PCDHGB1: variants seen among roughly 807,000 people sequenced by gnomAD.
The protein encoded by PCDHGB1 is protocadherin gamma-B1.
PCDHGB1 carries 34 observed loss-of-function variants against 56.6 expected under a neutral mutation model. The ratio of observed to expected loss-of-function variants is 0.60; its 90% CI spans 0.46 to 0.80. PCDHGB1 has a LOEUF of 0.80. Ranked by LOEUF, PCDHGB1 falls within the 30% of genes least tolerant of loss-of-function variation. The pLI is 0.00. For synonymous variants in PCDHGB1, 561 were observed against 505.9 expected, an observed-to-expected ratio of 1.11 and a Z score of -1.46; for missense variants, 1,278 against 1,204.6, an observed-to-expected ratio of 1.06 and a Z score of -0.90.
In PCDHGB1 at chr5:141,351,835, G is replaced by T. The variant is rs769087131; in HGVS notation, c.1575G>T (p.Glu525Asp). The T allele has an allele frequency of 6.2e-7, 1 of 1,613,110 alleles. No homozygotes were observed. The change falls in exon 1 of 4, where the codon GAG (glutamate) becomes GAT (aspartate). Residue 525 changes from glutamate (E) to aspartate (D), a missense_variant. Physicochemically the swap from Glu to Asp is conservative, Grantham distance 45. Transcript: ENST00000523390. Reference protein sequence around the residue: ...AFDHEQLRAFELTLQARDQGS... With the variant: ...AFDHEQLRAFDLTLQARDQGS... ...ACCACGAGCAGCTGCGCGCCTTCGA[G>T]CTCACACTGCAGGCCAGGGACCAGG...
intron 1 of PCDHGB1, chr5:141,364,964 C>T: frequency 6.2e-7 from 1 of 1,613,938 alleles, no homozygotes; most frequent in Non-Finnish European, 8.5e-7. Context: ...CGACCTCCTC[C>T]TCACAGCTTT....
chr5:141,420,075 G>A (rs893749179), intron 1 of PCDHGB1: 17 of 1,613,944 alleles, frequency 1.1e-5, no homozygotes, highest in Admixed American at 6.7e-5. Context: ...GGACCTGTGG[G>A]TCCCCCCAAC....
chr5:141,356,037 T>C, intron 1 of PCDHGB1: 1 of 1,614,004 alleles, frequency 6.2e-7, no homozygotes, highest in South Asian at 1.1e-5. Context: ...ACGTGACGTA[T>C]TCTTTCCGGA....
intron 1 of PCDHGB1, chr5:141,400,006 G>T (rs758879836): frequency 1.9e-5 from 30 of 1,612,536 alleles, no homozygotes; most frequent in Non-Finnish European, 2.5e-5. Flanking sequence ...CACAGCGCGT[G>T]CCTTGGGCGA....
chr5:141,436,743 C>A (rs991678215), intron 1 of PCDHGB1, among the ~76,000 whole-genome samples: 3 of 152,158 alleles, frequency 2.0e-5, no homozygotes, highest in Non-Finnish European at 4.4e-5. Flanking sequence ...TTTTTGTGTG[C>A]TTCTCCATAT....
chr5:141,403,729 C>G (rs1409756180), intron 1 of PCDHGB1: 1 of 1,613,896 alleles, frequency 6.2e-7, no homozygotes, highest in Non-Finnish European at 8.5e-7. Context: ...CCCCAGGCAC[C>G]TGGCTGCTTA....
At chr5:141,473,369 G>T (rs888984972) in intron 1 of PCDHGB1, among the ~76,000 whole-genome samples, 1 of 152,200 alleles carries the variant, frequency 6.6e-6, no homozygotes, top group Non-Finnish European at 1.5e-5. Flanking sequence ...CACCAAAATA[G>T]CATGGTCCCT....
chr5:141,394,536 G>A lies in PCDHGB1; in HGVS notation c.2409+41867G>A. The A allele has an allele frequency of 1.2e-6, 2 of 1,614,188 alleles. No individual in the cohort carries two copies. Among genetic ancestry groups the A allele is most frequent in the Middle Eastern group, 1.7e-4 (1 of 6,058 alleles). Reference sequence around the variant, plus strand: ...CCTCCCCACAGACGGTTCCACTGGCGTGGAGCTGGCGCCCCGCTCCGCAGA... The same window carrying A: ...CCTCCCCACAGACGGTTCCACTGGCATGGAGCTGGCGCCCCGCTCCGCAGA... On this transcript the variant is annotated intron_variant, in intron 1 of 3. Transcript: ENST00000523390.
intron 1 of PCDHGB1, chr5:141,366,110 G>A (rs780243212): frequency 1.9e-6 from 3 of 1,614,230 alleles, no homozygotes; most frequent in South Asian, 1.1e-5. Flanking sequence ...GGTGGTAGCG[G>A]TGGACAAAGA....
At chr5:141,403,804 T>G (rs2094456767) in intron 1 of PCDHGB1, 1 of 1,613,764 alleles carries the variant, frequency 6.2e-7, no homozygotes, top group Non-Finnish European at 8.5e-7. Context: ...TCTGGAAAAT[T>G]AATGAAAAAC....
At chr5:141,413,025 A>G in intron 1 of PCDHGB1, 1 of 740,544 alleles carries the variant, frequency 1.4e-6, no homozygotes, top group Non-Finnish European at 2.1e-6. Context: ...CAAGCCCCAC[A>G]AACCGGCTGC....
intron 1 of PCDHGB1, chr5:141,361,811 C>T: frequency 1.2e-6 from 2 of 1,613,098 alleles, no homozygotes; most frequent in Non-Finnish European, 1.7e-6. Context: ...AATGACAATG[C>T]GCCACGGGTG....
At chr5:141,373,548 A>G (rs546721232) in intron 1 of PCDHGB1, among the ~76,000 whole-genome samples, 5 of 152,332 alleles carry the variant, frequency 3.3e-5, no homozygotes, top group African/African-American at 9.6e-5. Context: ...GGTTGTTGGT[A>G]CCCTTACTGA....
intron 1 of PCDHGB1, chr5:141,370,194 T>C: frequency 3.8e-6 from 2 of 525,176 alleles, no homozygotes; most frequent in East Asian, 3.0e-5. Flanking sequence ...TGGCTAGTGC[T>C]GTGCAAAATA....
rs752316565 is a variant in PCDHGB1 at position 141,487,235 on chromosome 5, C to T, written c.2410-7572C>T. On this transcript the variant is annotated intron_variant, in intron 1 of 3. Coordinates refer to ENST00000523390, the MANE Select transcript of PCDHGB1 (RefSeq NM_018922.3). This position sits in a 1 kb window ranked among gnomAD's most constrained non-coding sequence, Gnocchi z 5.0. The stretch of plus-strand genomic sequence containing the variant: ...TTCAGCTCCAAGGGAAGGAGAATCT[C>T]GTCTAACCCTCTACTTGGCTGTGTC... The T allele has an allele frequency of 2.5e-6, 4 of 1,614,126 alleles. No individual in the cohort carries two copies. Among genetic ancestry groups the T allele is most frequent in the Non-Finnish European group, 3.4e-6 (4 of 1,179,994 alleles).
chr5:141,365,644 C>A (rs762390093), intron 1 of PCDHGB1: 3 of 1,613,554 alleles, frequency 1.9e-6, no homozygotes, highest in Non-Finnish European at 2.5e-6. Context: ...AAAGCCACAT[C>A]CCCTTGAAAG....
chr5:141,370,506 C>T (rs1435099354), intron 1 of PCDHGB1: 1 of 1,613,912 alleles, frequency 6.2e-7, no homozygotes, highest in South Asian at 1.1e-5. Context: ...CTACGCTATT[C>T]CCGAGGAGCT....
rs1561863583 is a variant in PCDHGB1, at chr5:141,432,685, C to A, written c.2410-62122C>A. Reference sequence around the variant, plus strand: ...ACAGAGACGCGCTCAAGCAGAGCCTCGTAGTGGCCGTCCAGGACCACGGCC... The same window carrying A: ...ACAGAGACGCGCTCAAGCAGAGCCTAGTAGTGGCCGTCCAGGACCACGGCC... On this transcript the variant is annotated intron_variant, in intron 1 of 3. Transcript: ENST00000523390. The surrounding 1 kb of genome is among the most constrained non-coding windows in gnomAD (Gnocchi z 6.0). 3.7e-6 allele frequency: 6 copies of A among 1,613,932 alleles called. No individual in the cohort carries two copies. Among genetic ancestry groups the A allele is most frequent in the Non-Finnish European group, 5.1e-6 (6 of 1,179,966 alleles).
chr5:141,352,529 G>A lies in PCDHGB1; in HGVS notation c.2269G>A (p.Ala757Thr). The A allele has an allele frequency of 1.2e-6, 2 of 1,613,988 alleles. No homozygotes were observed. The highest frequency in any genetic ancestry group is 8.5e-7 in the Non-Finnish European group (1 of 1,179,896). Residue 757 changes from alanine (A) to threonine (T), a missense_variant, in exon 1 of 4, where the codon GCA becomes ACA. Coordinates refer to ENST00000523390, the MANE Select transcript of PCDHGB1 (RefSeq NM_018922.3). ...CAATCTATGTATTGCCTCTCATTCT[G>A]CAAAGACAGAGTTTAATTCTCTCAA... ...SYNLCIASHS[A>T]KTEFNSLNLT...
Sources: gnomAD v4.1 joint callset for allele counts (sites outside exome capture counted in the v4.1 genomes callset) on GRCh38, gnomAD v4.1.1 for gene constraint, Gnocchi (gnomAD v3.1) non-coding constraint, MANE v1.5 for transcripts, NCBI Gene and HGNC (gene_info 2026-07-23, HGNC 2026-07-21) for gene names.